The following FIG4 variants were observed in gnomAD, a reference collection of about 807,000 sequenced individuals.
FIG4 encodes FIG4 phosphoinositide 5-phosphatase.
A neutral mutation model predicts 118.6 loss-of-function variants in FIG4; 112 were observed. The ratio of observed to expected loss-of-function variants is 0.94; its 90% CI spans 0.81 to 1.11. FIG4 has a LOEUF of 1.11. Ranked by LOEUF, FIG4 falls within the 50% of genes least tolerant of loss-of-function variation. FIG4 has a pLI of 0.00. For missense variants in FIG4, 969 were observed against 1,111.7 expected, an observed-to-expected ratio of 0.87 and a Z score of 1.83; for synonymous variants, 369 against 381.2, an observed-to-expected ratio of 0.97 and a Z score of 0.37.
chr6:109,770,416 T>C lies in FIG4; in HGVS notation c.1750+3521T>C, dbSNP rs183774840. On this transcript the variant is annotated intron_variant, in intron 15 of 22. Coordinates refer to ENST00000230124, the MANE Select transcript of FIG4 (RefSeq NM_014845.6). ...CACATGCGTGTGCATAATTTGAATGTAGTGAATGTGTGTATGCATGCATGG... is the reference window on the plus strand; with the variant it reads ...CACATGCGTGTGCATAATTTGAATGCAGTGAATGTGTGTATGCATGCATGG... Among the ~76,000 whole-genome samples the C allele has an allele frequency of 3.5e-4, 54 of 152,278 alleles. No individual in the cohort carries two copies. In the East Asian group the frequency reaches 9.8e-3, roughly 28 times the overall value.
At chr6:109,706,514 G>A (rs3799845) in intron 1 of FIG4, among the ~76,000 whole-genome samples, 51,599 of 152,034 alleles carry the variant, frequency 0.34, 9,282 homozygotes, top group South Asian at 0.44. Context: ...ACAGATTGGC[G>A]CATTTTCCCA....
chr6:109,720,967 G>A (rs1023969757), intron 3 of FIG4, among the ~76,000 whole-genome samples: 1 of 152,146 alleles, frequency 6.6e-6, no homozygotes, highest in African/African-American at 2.4e-5. Context: ...CACATGAATG[G>A]AATGACCTAT....
chr6:109,798,650 G>T (rs1415044462), intron 22 of FIG4, among the ~76,000 whole-genome samples: 1 of 152,136 alleles, frequency 6.6e-6, no homozygotes, highest in Admixed American at 6.6e-5. Context: ...ATCTTGGCAG[G>T]GATCTGGGTC....
intron 1 of FIG4, among the ~76,000 whole-genome samples, chr6:109,713,245 C>G (rs1168814524): frequency 2.0e-5 from 3 of 152,184 alleles, no homozygotes; most frequent in African/African-American, 7.2e-5. Flanking sequence ...GTGGCTGCAG[C>G]AGGATGCCAG....
chr6:109,741,993 T>TG (rs1443367367), intron 8 of FIG4, among the ~76,000 whole-genome samples: 1 of 151,864 alleles, frequency 6.6e-6, no homozygotes, highest in Non-Finnish European at 1.5e-5. Flanking sequence ...CCCATGGATG[T>TG]GGGGGGCTGA....
chr6:109,734,890 C>T (rs149004269), intron 5 of FIG4, among the ~76,000 whole-genome samples: 488 of 152,244 alleles, frequency 3.2e-3, no homozygotes, highest in African/African-American at 0.011. Context: ...GCACATTGTA[C>T]AAATCAAATA....
At chr6:109,742,214 G>C (rs1409577215) in intron 8 of FIG4, among the ~76,000 whole-genome samples, 2 of 152,018 alleles carry the variant, frequency 1.3e-5, no homozygotes, top group Non-Finnish European at 2.9e-5. Context: ...CACCCAAGTA[G>C]AAGGCAGCAC....
intron 18 of FIG4, 149 bp downstream of exon 18, chr6:109,786,598 C>A: frequency 1.3e-6 from 1 of 788,468 alleles, no homozygotes. Flanking sequence ...TGATGGGGAG[C>A]CCACTACTTC....
intron 1 of FIG4, among the ~76,000 whole-genome samples, chr6:109,699,993 C>A (rs1774858466): frequency 6.6e-6 from 1 of 152,156 alleles, no homozygotes; most frequent in Non-Finnish European, 1.5e-5. Context: ...AATAAGGCTT[C>A]CTTGAACCTC....
intron 1 of FIG4, among the ~76,000 whole-genome samples, chr6:109,693,216 A>C (rs1774601953): frequency 6.6e-6 from 1 of 152,224 alleles, no homozygotes; most frequent in African/African-American, 2.4e-5. Context: ...AATATCAATT[A>C]ATGAAACATT....
Position 109,715,426 on chromosome 6 carries a change from GAT to G in FIG4, c.165+252_165+253del, listed in dbSNP as rs3830985. 1.8e-3 allele frequency among the ~76,000 whole-genome samples: 275 copies of G among 152,226 alleles called. 6 individuals are homozygous for G. In the East Asian group the frequency reaches 0.044, roughly 24 times the overall value. On this transcript the variant is annotated intron_variant, in intron 2 of 22. Coordinates refer to ENST00000230124, the MANE Select transcript of FIG4 (RefSeq NM_014845.6). ...TTTCGAAAACACACTCTTAGGATAA[GAT>G]AATGAGTATTGTTTCTTAAAGAGGG... is the stretch of plus-strand genomic sequence containing the variant.
chr6:109,820,619 G>C (rs1778978232), intron 22 of FIG4, among the ~76,000 whole-genome samples: 1 of 152,106 alleles, frequency 6.6e-6, no homozygotes, highest in South Asian at 2.1e-4. Flanking sequence ...CTGACAGTAT[G>C]GCAAATGTAG....
intron 3 of FIG4, among the ~76,000 whole-genome samples, chr6:109,725,767 C>T (rs1583653293): frequency 6.6e-6 from 1 of 152,294 alleles, no homozygotes; most frequent in African/African-American, 2.4e-5. Context: ...TCTGTTGTTT[C>T]CTGACTTTTA....
intron 10 of FIG4, among the ~76,000 whole-genome samples, chr6:109,755,145 C>T (rs1168733969): frequency 6.6e-6 from 1 of 152,030 alleles, no homozygotes; most frequent in Admixed American, 6.6e-5. Flanking sequence ...TGTCTTTGTT[C>T]TCGTTGGTTT....
chr6:109,805,965 C>T (rs957250830), intron 22 of FIG4, among the ~76,000 whole-genome samples: 3 of 151,904 alleles, frequency 2.0e-5, no homozygotes, highest in African/African-American at 7.3e-5. Flanking sequence ...ATCTCAGAAG[C>T]TTCAGTAAAT....
intron 19 of FIG4, 150 bp downstream of exon 19, chr6:109,789,827 A>G: frequency 1.5e-6 from 1 of 673,590 alleles, no homozygotes; most frequent in South Asian, 1.6e-5. Context: ...TGAAAGTAGA[A>G]TTTATGGGAG....
In FIG4 at chr6:109,825,357, C is replaced by A; in HGVS notation, c.*92C>A. ...AAGGTAACTTATTAAAAGTCCTTTG[C>A]GTCTGAAGCCTTTCTCCTTTTCTGT... On this transcript the variant is annotated 3_prime_UTR_variant, in exon 23 of 23. Coordinates refer to ENST00000230124, the MANE Select transcript of FIG4 (RefSeq NM_014845.6). 3 of 1,175,196 alleles carry A rather than the reference C, an allele frequency of 2.6e-6. No individual in the cohort carries two copies. The highest frequency in any genetic ancestry group is 1.3e-5 in the South Asian group (1 of 78,762). The allele number at this position is 1,175,196 out of a possible 1,614,324, so 72.8% of individuals were successfully genotyped here. A position where few individuals can be genotyped will look rare whatever the true frequency, so the allele number is the denominator to read the frequency against.
intron 7 of FIG4, 64 bp from the exon 8 acceptor site, chr6:109,741,380 T>A: frequency 9.9e-7 from 1 of 1,009,930 alleles, no homozygotes; most frequent in Non-Finnish European, 1.6e-6. Context: ...ATTTAAGGAA[T>A]AATGACTCTC....
intron 21 of FIG4, among the ~76,000 whole-genome samples, chr6:109,796,385 T>C (rs1778287768): frequency 6.6e-6 from 1 of 152,198 alleles, no homozygotes; most frequent in Non-Finnish European, 1.5e-5. Context: ...CTTCCCCCCA[T>C]GCTTCCTGCA....
Sources: allele counts gnomAD v4.1 joint callset (sites outside exome capture counted in the v4.1 genomes callset), GRCh38; gene constraint gnomAD v4.1.1; transcripts MANE v1.5; gene names NCBI Gene and HGNC (gene_info 2026-07-23, HGNC 2026-07-21).